RSRC1: variants seen among roughly 807,000 people sequenced by gnomAD.
RSRC1 encodes the protein serine/Arginine-related protein 53.
In RSRC1, 39 loss-of-function variants were observed where a neutral mutation model predicts 49.1. The ratio of observed to expected loss-of-function variants is 0.79; its 90% CI spans 0.61 to 1.04. The LOEUF is 1.04. RSRC1 is among the 50% of genes least tolerant of loss of function. RSRC1 has a pLI of 0.00. For missense variants in RSRC1, 388 were observed against 402.4 expected (o/e 0.96, Z 0.31); for synonymous variants, 143 against 130.8 (o/e 1.09, Z -0.63).
chr3:158,113,938 C>T (rs568968506), intron 1 of RSRC1, among the ~76,000 whole-genome samples: 11 of 152,138 alleles, frequency 7.2e-5, no homozygotes. Context: ...AAATTTTCCT[C>T]TATAGATTGT....
intron 6 of RSRC1, among the ~76,000 whole-genome samples, chr3:158,448,492 T>C (rs1316989864): frequency 1.3e-5 from 2 of 151,920 alleles, no homozygotes; most frequent in South Asian, 2.1e-4. Context: ...TGTAAGACCT[T>C]ACGCATTTAA....
At chr3:158,182,134 A>G (rs957659403) in intron 3 of RSRC1, among the ~76,000 whole-genome samples, 4 of 152,174 alleles carry the variant, frequency 2.6e-5, no homozygotes, top group Non-Finnish European at 5.9e-5. Context: ...CATTAAGTTC[A>G]TAATGAAAAG....
chr3:158,476,726 C>T lies in RSRC1; in HGVS notation c.652+15723C>T, dbSNP rs180776137. Among the ~76,000 whole-genome samples the T allele has an allele frequency of 4.0e-3, 616 of 152,228 alleles. 4 individuals carry two copies. Among genetic ancestry groups the T allele is most frequent in the African/African-American group, 0.014 (596 of 41,556 alleles). On this transcript the variant is annotated intron_variant, in intron 7 of 9. Transcript: ENST00000611884. ...GTACAAGGAGAATAATGCCTGCTAA[C>T]CCAGCATTTGTTCTCCAGCCCCTGG...
At chr3:158,486,184 A>C (rs1191226548) in intron 7 of RSRC1, among the ~76,000 whole-genome samples, 1 of 152,146 alleles carries the variant, frequency 6.6e-6, no homozygotes, top group Admixed American at 6.6e-5. Context: ...CCAGTCTACA[A>C]GTGTTAGTTG....
chr3:158,130,305 A>G (rs1187633566), intron 3 of RSRC1, among the ~76,000 whole-genome samples: 1 of 152,230 alleles, frequency 6.6e-6, no homozygotes, highest in Non-Finnish European at 1.5e-5. Context: ...GGGTTTCAGC[A>G]TATGAATTTT....
intron 5 of RSRC1, among the ~76,000 whole-genome samples, chr3:158,332,316 C>T (rs1729592646): frequency 6.6e-6 from 1 of 152,088 alleles, no homozygotes; most frequent in Non-Finnish European, 1.5e-5. Context: ...CTAATGTTGA[C>T]TAAAACATCC....
intron 3 of RSRC1, among the ~76,000 whole-genome samples, chr3:158,194,102 C>CACACACACACAG (rs1553767155): frequency 7.0e-6 from 1 of 143,018 alleles, no homozygotes; most frequent in African/African-American, 2.6e-5. Flanking sequence ...CACACACACA[C>CACACACACACAG]AGAAAAGAAA....
intron 6 of RSRC1, among the ~76,000 whole-genome samples, chr3:158,396,762 C>T (rs1733634630): frequency 6.6e-6 from 1 of 152,088 alleles, no homozygotes; most frequent in African/African-American, 2.4e-5. Context: ...CTGTAGTTTA[C>T]ATGAACATTA....
chr3:158,173,469 A>G (rs1315452934), intron 3 of RSRC1, among the ~76,000 whole-genome samples: 3 of 152,040 alleles, frequency 2.0e-5, no homozygotes, highest in Non-Finnish European at 4.4e-5. Flanking sequence ...TATTGTCTAT[A>G]AAACCTTCCC....
intron 3 of RSRC1, among the ~76,000 whole-genome samples, chr3:158,163,384 G>T (rs1718353990): frequency 6.6e-6 from 1 of 152,158 alleles, no homozygotes; most frequent in Non-Finnish European, 1.5e-5. Flanking sequence ...TGAAGTTGCT[G>T]TAGACATTTT....
At chr3:158,479,246 AAAT>A (rs1289235670) in intron 7 of RSRC1, among the ~76,000 whole-genome samples, 3 of 148,632 alleles carry the variant, frequency 2.0e-5, no homozygotes, top group African/African-American at 4.9e-5. Flanking sequence ...AATGTTTTTA[AAAT>A]AATTAAATAT....
At chr3:158,266,516 A>G (rs577584385) in intron 4 of RSRC1, among the ~76,000 whole-genome samples, 153 of 152,304 alleles carry the variant, frequency 1.0e-3, no homozygotes, top group Admixed American at 1.9e-3. Context: ...GGTTTACTTG[A>G]AAAGAGTGAG....
intron 3 of RSRC1, among the ~76,000 whole-genome samples, chr3:158,202,051 G>A (rs544018549): frequency 1.3e-5 from 2 of 152,272 alleles, no homozygotes; most frequent in East Asian, 3.9e-4. Context: ...GTCTTTCTCT[G>A]TCACCCAGGC....
chr3:158,350,569 G>A (rs972850683), intron 5 of RSRC1, among the ~76,000 whole-genome samples: 2 of 152,176 alleles, frequency 1.3e-5, no homozygotes, highest in South Asian at 4.1e-4. Flanking sequence ...TTGGCCTGCA[G>A]ATGGCTGTCT....
chr3:158,135,361 C>T, intron 3 of RSRC1, among the ~76,000 whole-genome samples: 1 of 151,488 alleles, frequency 6.6e-6, no homozygotes, highest in East Asian at 1.9e-4. Flanking sequence ...CCTTCATCTC[C>T]TGGGTTCAAG....
intron 6 of RSRC1, among the ~76,000 whole-genome samples, chr3:158,364,362 C>T (rs572226470): frequency 6.6e-6 from 1 of 152,060 alleles, no homozygotes; most frequent in Non-Finnish European, 1.5e-5. Flanking sequence ...GCAAACCCCC[C>T]AAAAAGAGCA....
intron 7 of RSRC1, among the ~76,000 whole-genome samples, chr3:158,518,126 G>A (rs9833177): frequency 0.14 from 9,649 of 67,296 alleles, 934 homozygotes; most frequent in African/African-American, 0.24. Flanking sequence ...GTGTGTGTGT[G>A]TATATATATA....
At chr3:158,207,621 G>A (rs529995793) in intron 4 of RSRC1, among the ~76,000 whole-genome samples, 7 of 79,498 alleles carry the variant, frequency 8.8e-5, no homozygotes, top group African/African-American at 3.1e-4. Flanking sequence ...CAACCTATGT[G>A]CAAAAGTAAC....
intron 3 of RSRC1, among the ~76,000 whole-genome samples, chr3:158,141,863 C>T (rs1022839046): frequency 2.0e-5 from 3 of 152,032 alleles, no homozygotes; most frequent in East Asian, 1.9e-4. Flanking sequence ...TTTGGGAGGC[C>T]GATATGGGCG....
Sources: allele counts gnomAD v4.1 joint callset (sites outside exome capture counted in the v4.1 genomes callset), GRCh38; gene constraint gnomAD v4.1.1; transcripts MANE v1.5; gene names NCBI Gene and HGNC (gene_info 2026-07-23, HGNC 2026-07-21).